Variants in SRL observed in about 807,000 individuals in gnomAD.
SRL encodes sarcalumenin.
SRL carries 23 observed loss-of-function variants against 39.5 expected under a neutral mutation model. The observed-to-expected ratio is 0.58, with a 90% CI of 0.42 to 0.82. SRL has a LOEUF of 0.82. Ranked by LOEUF, SRL falls within the 40% of genes least tolerant of loss-of-function variation. The pLI is 0.00. For synonymous variants in SRL, 272 were observed against 237.4 expected, an observed-to-expected ratio of 1.15 and a Z score of -1.34; for missense variants, 592 against 607.8, an observed-to-expected ratio of 0.97 and a Z score of 0.27.
At chr16:4,212,681 A>C (rs1449916670) in intron 1 of SRL, among the ~76,000 whole-genome samples, 4 of 152,130 alleles carry the variant, frequency 2.6e-5, no homozygotes, top group Admixed American at 6.5e-5. Context: ...GTCAGGGCAC[A>C]GGAATAGCAG....
intron 1 of SRL, chr16:4,207,322 C>T (rs2052335009): frequency 2.2e-6 from 1 of 456,822 alleles, no homozygotes; most frequent in Non-Finnish European, 4.4e-6. Flanking sequence ...CTTTGGGCGC[C>T]CCCAGGCTCT....
chr16:4,228,607 C>A (rs916235673), intron 1 of SRL, among the ~76,000 whole-genome samples: 29 of 149,656 alleles, frequency 1.9e-4, no homozygotes, highest in African/African-American at 6.7e-4. Flanking sequence ...TGGTGGCGGG[C>A]ACCTGTAGTC....
At chr16:4,224,722 G>GA (rs954991274) in intron 1 of SRL, among the ~76,000 whole-genome samples, 59 of 130,730 alleles carry the variant, frequency 4.5e-4, no homozygotes, top group Admixed American at 5.6e-4. Flanking sequence ...CCTATCTCGA[G>GA]AAAAAAAAAA....
At position 4,203,204 on chromosome 16, in the gene SRL, G is replaced by C. The variant is rs370600188; in HGVS notation, c.221C>G (p.Ser74Cys). 6 of 1,614,192 alleles carry C rather than the reference G, an allele frequency of 3.7e-6. No homozygotes were observed. The highest frequency in any genetic ancestry group is 4.2e-6 in the Non-Finnish European group (5 of 1,180,024). The change falls in exon 3 of 6, where the codon TCC (serine) becomes TGC (cysteine). Residue 74 changes from serine (S) to cysteine (C), a missense_variant. Ser to Cys is a moderately radical substitution (Grantham distance 112). Transcript: ENST00000399609. ...YHSSIKPLEQSYKYNELRQHE... is the reference protein window; with the variant it reads ...YHSSIKPLEQCYKYNELRQHE... ...CTGCCGGAGCTCATTGTACTTGTAG[G>C]ACTGCTCCAGAGGCTTGATGGATGA...
chr16:4,201,573 G>A (rs575255765), intron 3 of SRL, among the ~76,000 whole-genome samples: 4 of 137,486 alleles, frequency 2.9e-5, no homozygotes, highest in Admixed American at 1.4e-4. Flanking sequence ...CACTGTGCCC[G>A]GCCATCGGAT....
chr16:4,220,172 T>A (rs61241292), intron 1 of SRL, among the ~76,000 whole-genome samples: 1 of 151,600 alleles, frequency 6.6e-6, no homozygotes, highest in African/African-American at 2.4e-5. Flanking sequence ...CTAGGCCAGG[T>A]GTGGAGGCTC....
At chr16:4,200,585 G>A (rs2052214886) in intron 3 of SRL, among the ~76,000 whole-genome samples, 1 of 152,196 alleles carries the variant, frequency 6.6e-6, no homozygotes, top group Non-Finnish European at 1.5e-5. Flanking sequence ...TGGCCCTGCT[G>A]CTGTACACAC....
intron 1 of SRL, chr16:4,207,479 G>A: frequency 2.2e-6 from 1 of 456,752 alleles, no homozygotes; most frequent in Non-Finnish European, 4.4e-6. Context: ...CAGGCCCAGG[G>A]CTGCCCTCGG....
intron 1 of SRL, among the ~76,000 whole-genome samples, chr16:4,214,770 CT>C (rs766418227): frequency 0.011 from 1,587 of 140,932 alleles, 5 homozygotes; most frequent in African/African-American, 0.025. Flanking sequence ...TGCTCTTCCA[CT>C]TTTTTTTTTT....
chr16:4,204,455 C>T (rs1020946053), intron 2 of SRL, 78 bp downstream of exon 2: 5 of 1,364,162 alleles, frequency 3.7e-6, no homozygotes, highest in Non-Finnish European at 5.2e-6. Flanking sequence ...CCCTGGCTCT[C>T]AGGAGCCTCC....
chr16:4,229,226 A>T (rs1170321447), intron 1 of SRL, among the ~76,000 whole-genome samples: 3 of 151,954 alleles, frequency 2.0e-5, no homozygotes, highest in African/African-American at 4.8e-5. Flanking sequence ...GGTGGATCAC[A>T]AGGACAGGAG....
chr16:4,213,402 TTC>T (rs1193174692), intron 1 of SRL, among the ~76,000 whole-genome samples: 1 of 124,640 alleles, frequency 8.0e-6, no homozygotes, highest in African/African-American at 4.0e-5. Flanking sequence ...CTTTTTCTTT[TTC>T]TTTTTTTTTT....
Position 4,192,393 on chromosome 16 carries a change from G to A in SRL, c.1182C>T (p.Asp394=), listed in dbSNP as rs377461792. ...CCTTATAGGCCTCGCGGTTGGGAAG[G>A]TCAAATTTGCTGACATTGGTCTTTG... ...ILAKTNVSKF[D]LPNREAYKDF... The change falls in exon 6 of 6, where the codon GAC becomes GAT. Residue 394 remains aspartate, a synonymous_variant. Transcript: ENST00000399609. This position sits in a 1 kb window ranked among gnomAD's most constrained non-coding sequence, Gnocchi z 4.0. 558 of 1,614,106 alleles carry A rather than the reference G, an allele frequency of 3.5e-4. No individual in the cohort carries two copies. Among genetic ancestry groups the A allele is most frequent in the Non-Finnish European group, 4.3e-4 (513 of 1,180,040 alleles).
chr16:4,204,725 A>C (rs2052296410), intron 1 of SRL, 91 bp from the exon 2 acceptor site: 8 of 1,057,188 alleles, frequency 7.6e-6, no homozygotes, highest in Non-Finnish European at 1.2e-5. Context: ...CTGGGCCTCA[A>C]GCAGGGGCTC....
chr16:4,219,998 T>C (rs921794472), intron 1 of SRL, among the ~76,000 whole-genome samples: 7 of 151,870 alleles, frequency 4.6e-5, no homozygotes, highest in African/African-American at 1.5e-4. Flanking sequence ...TCTGGGTCAT[T>C]AGAGAAGGGA....
At chr16:4,228,410 C>T (rs747576661) in intron 1 of SRL, among the ~76,000 whole-genome samples, 6 of 151,504 alleles carry the variant, frequency 4.0e-5, no homozygotes, top group East Asian at 1.9e-4. Context: ...CACTCCAACC[C>T]GGGCGACAGA....
At chr16:4,232,604 G>A (rs1267451823) in intron 1 of SRL, among the ~76,000 whole-genome samples, 4 of 151,890 alleles carry the variant, frequency 2.6e-5, no homozygotes, top group East Asian at 1.9e-4. Context: ...ATGACCTCCC[G>A]GGCTCAAGAG....
rs201862611 is a variant in SRL at position 4,189,914 on chromosome 16, G to GC, written c.*2238dup. 916 of 188,484 alleles carry GC rather than the reference G, an allele frequency of 4.9e-3. 6 individuals are homozygous for GC. The highest frequency in any genetic ancestry group is 6.9e-3 in the Non-Finnish European group (641 of 92,572). The allele number at this position is 188,484 out of a possible 1,614,324, so 11.7% of individuals were successfully genotyped here. On this transcript the variant is annotated 3_prime_UTR_variant, in exon 6 of 6. Coordinates refer to ENST00000399609, the MANE Select transcript of SRL (RefSeq NM_001098814.2). ...GGAGCAGGCAGGGGAAAGTGGGAGGGCCCATCCCCCAAGAGGGCAGACAGT... is the reference window on the plus strand; with the variant it reads ...GGAGCAGGCAGGGGAAAGTGGGAGGGCCCCATCCCCCAAGAGGGCAGACAGT...
intron 1 of SRL, among the ~76,000 whole-genome samples, chr16:4,230,337 A>G (rs1425126644): frequency 6.6e-6 from 1 of 151,306 alleles, no homozygotes; most frequent in Non-Finnish European, 1.5e-5. Flanking sequence ...CCCCAAAATT[A>G]GTGTATCTCT....
Sources: gnomAD v4.1 joint callset for allele counts (sites outside exome capture counted in the v4.1 genomes callset) on GRCh38, gnomAD v4.1.1 for gene constraint, Gnocchi (gnomAD v3.1) non-coding constraint, MANE v1.5 for transcripts, NCBI Gene and HGNC (gene_info 2026-07-23, HGNC 2026-07-21) for gene names.